Variants in DCC observed in about 807,000 individuals in gnomAD.
DCC encodes the protein DCC netrin 1 receptor.
DCC carries 58 observed loss-of-function variants against 172.5 expected under a neutral mutation model. The ratio of observed to expected loss-of-function variants is 0.34; its 90% CI spans 0.27 to 0.42. DCC has a LOEUF of 0.42. Ranked by LOEUF, DCC falls within the 10% of genes least tolerant of loss-of-function variation. DCC has a pLI of 1.00. For synonymous variants in DCC, 709 were observed against 644.5 expected (o/e 1.10, Z -1.52); for missense variants, 1,740 against 1,791.0 (o/e 0.97, Z 0.51).
In DCC at chr18:53,305,690, A is replaced by T; in HGVS notation, c.2024A>T (p.Glu675Val). 1 of 1,614,032 alleles carries T rather than the reference A, an allele frequency of 6.2e-7. No homozygotes were observed. The highest frequency in any genetic ancestry group is 8.5e-7 in the Non-Finnish European group (1 of 1,179,924). The stretch of plus-strand genomic sequence containing the variant: ...CGCAGGGGTGAGATGGAAACACTGG[A>T]GCCAAACAACCTCTGGTACCTATTC... The part of the protein sequence containing the change: ...TTRRGEMETL[E>V]PNNLWYLFTG... Residue 675 changes from glutamate (E) to valine (V), a missense_variant, in exon 13 of 29, where the codon GAG becomes GTG. This residue lies in a region of DCC where 1,732 missense variants were observed against 1,767.4 expected (regional missense o/e 0.98). Transcript: ENST00000442544.
Position 53,526,967 on chromosome 18 carries a change from T to C in DCC, c.4254+208T>C, listed in dbSNP as rs1382338611. The stretch of plus-strand genomic sequence containing the variant: ...AAAAAAATTATGTCAGAGACTTAGT[T>C]ATGTAAAAAAGTTGATTCTTAAGGA... On this transcript the variant is annotated intron_variant, in intron 28 of 28. Coordinates refer to ENST00000442544, the MANE Select transcript of DCC (RefSeq NM_005215.4). The C allele has an allele frequency of 1.2e-5, 7 of 582,918 alleles. No homozygotes were observed. The Admixed American group carries it at 1.7e-4, about 15-fold the overall frequency. The allele number at this position is 582,918 out of a possible 1,614,324, so 36.1% of individuals were successfully genotyped here.
chr18:52,953,348 G>C (rs2040689812), intron 5 of DCC, among the ~76,000 whole-genome samples: 1 of 152,138 alleles, frequency 6.6e-6, no homozygotes, highest in African/African-American at 2.4e-5. Context: ...TCCCAAACAT[G>C]AGACAACAAT....
chr18:53,279,648 A>AAT (rs1491112320), intron 12 of DCC, among the ~76,000 whole-genome samples: 1 of 7,866 alleles, frequency 1.3e-4, no homozygotes, highest in Non-Finnish European at 1.0e-3. Context: ...AAAGTATAAT[A>AAT]AAAAAAAAAA....
chr18:53,208,655 C>T (rs531265062), intron 11 of DCC, among the ~76,000 whole-genome samples: 2 of 152,236 alleles, frequency 1.3e-5, no homozygotes, highest in East Asian at 1.9e-4. Flanking sequence ...CACAAACACA[C>T]ACATTTGAGA....
intron 2 of DCC, among the ~76,000 whole-genome samples, chr18:52,882,842 G>A (rs1232061112): frequency 6.6e-6 from 1 of 152,072 alleles, no homozygotes; most frequent in East Asian, 1.9e-4. Context: ...TCCGTCCAAT[G>A]CTGAAAGTGG....
At chr18:52,490,577 C>T (rs947757883) in intron 1 of DCC, among the ~76,000 whole-genome samples, 13 of 152,140 alleles carry the variant, frequency 8.5e-5, no homozygotes, top group East Asian at 1.9e-4. Flanking sequence ...CCGTGAAGGG[C>T]GCTTTCTGTT....
chr18:52,483,351 C>A (rs977783286), intron 1 of DCC, among the ~76,000 whole-genome samples: 1 of 152,066 alleles, frequency 6.6e-6, no homozygotes, highest in Non-Finnish European at 1.5e-5. Context: ...CATTTTACTT[C>A]TTCAGTTTAT....
chr18:53,346,960 A>C (rs1291499466), intron 15 of DCC, among the ~76,000 whole-genome samples: 1 of 152,170 alleles, frequency 6.6e-6, no homozygotes, highest in African/African-American at 2.4e-5. Flanking sequence ...AGATTGTGAG[A>C]TCTATCTTGC....
At chr18:52,405,408 G>A (rs1181581579) in intron 1 of DCC, among the ~76,000 whole-genome samples, 1 of 132,954 alleles carries the variant, frequency 7.5e-6, no homozygotes, top group African/African-American at 2.6e-5. Context: ...TTTCTCTGAT[G>A]GCCAGTGATG....
At chr18:52,527,985 C>G (rs1177700596) in intron 1 of DCC, among the ~76,000 whole-genome samples, 1 of 152,102 alleles carries the variant, frequency 6.6e-6, no homozygotes, top group South Asian at 2.1e-4. Context: ...GCCTGCCTTT[C>G]CAAAGCCAGA....
intron 8 of DCC, among the ~76,000 whole-genome samples, chr18:53,164,470 G>T (rs966413836): frequency 1.3e-5 from 2 of 152,130 alleles, no homozygotes; most frequent in African/African-American, 4.8e-5. Flanking sequence ...TAACTAAAAT[G>T]ACTTATGAAG....
At chr18:52,489,268 C>A (rs2030381481) in intron 1 of DCC, among the ~76,000 whole-genome samples, 1 of 151,954 alleles carries the variant, frequency 6.6e-6, no homozygotes, top group African/African-American at 2.4e-5. Flanking sequence ...GATTTAGATT[C>A]CTACCAACTT....
chr18:53,135,221 G>A (rs950344859), intron 7 of DCC, among the ~76,000 whole-genome samples: 1 of 152,106 alleles, frequency 6.6e-6, no homozygotes, highest in African/African-American at 2.4e-5. Context: ...TTTCAGGGGA[G>A]AATGATGGGA....
At chr18:53,267,929 C>T (rs985732673) in intron 12 of DCC, among the ~76,000 whole-genome samples, 1 of 152,004 alleles carries the variant, frequency 6.6e-6, no homozygotes, top group Non-Finnish European at 1.5e-5. Context: ...AAAGGAGATC[C>T]TTTTGTATTA....
intron 12 of DCC, among the ~76,000 whole-genome samples, chr18:53,298,527 C>T (rs1423597665): frequency 1.2e-4 from 4 of 33,080 alleles, no homozygotes; most frequent in Non-Finnish European, 1.9e-4. Context: ...GACCCTGACT[C>T]AAAAAAAAAA....
At chr18:53,417,850 A>C (rs1910410220) in intron 21 of DCC, among the ~76,000 whole-genome samples, 2 of 152,100 alleles carry the variant, frequency 1.3e-5, no homozygotes, top group South Asian at 4.1e-4. Context: ...GTTTTGCATA[A>C]TATTATTTTA....
At chr18:53,511,323 C>T (rs185051016) in intron 27 of DCC, among the ~76,000 whole-genome samples, 1 of 152,202 alleles carries the variant, frequency 6.6e-6, no homozygotes, top group African/African-American at 2.4e-5. Flanking sequence ...TCCCTGACTA[C>T]AAGAATATTC....
chr18:52,868,955 C>A (rs770178295), intron 2 of DCC, among the ~76,000 whole-genome samples: 3 of 152,200 alleles, frequency 2.0e-5, no homozygotes, highest in African/African-American at 4.8e-5. Flanking sequence ...GCAGTTTCCC[C>A]AGCTGGCACT....
At chr18:53,425,900 C>T (rs1444359963) in intron 21 of DCC, among the ~76,000 whole-genome samples, 1 of 152,090 alleles carries the variant, frequency 6.6e-6, no homozygotes, top group African/African-American at 2.4e-5. Context: ...CCAGAATAAT[C>T]TTTCTAAAAT....
Sources: gnomAD v4.1 joint callset for allele counts (sites outside exome capture counted in the v4.1 genomes callset) on GRCh38, gnomAD v4.1.1 for gene constraint, gnomAD v4.1.1 regional missense constraint, MANE v1.5 for transcripts, NCBI Gene and HGNC (gene_info 2026-07-23, HGNC 2026-07-21) for gene names.